Variants in GALNT17 observed in about 807,000 individuals in gnomAD.
GALNT17 encodes polypeptide N-acetylgalactosaminyltransferase 17, also known as UDP-GalNAc:polypeptide N-acetylgalactosaminyltransferase-like 3.
GALNT17 carries 29 observed loss-of-function variants against 63.7 expected under a neutral mutation model. That is an observed-to-expected ratio of 0.46 (90% CI 0.34 to 0.62). The LOEUF (loss-of-function observed/expected upper bound fraction) is 0.62. GALNT17 is among the 20% of genes least tolerant of loss of function. GALNT17 has a pLI of 0.01. For synonymous variants in GALNT17, 305 were observed against 318.3 expected, an observed-to-expected ratio of 0.96 and a Z score of 0.45; for missense variants, 603 against 799.6, an observed-to-expected ratio of 0.75 and a Z score of 2.97.
intron 2 of GALNT17, among the ~76,000 whole-genome samples, chr7:71,352,535 T>A (rs1432782706): frequency 1.3e-5 from 2 of 152,146 alleles, no homozygotes; most frequent in Non-Finnish European, 2.9e-5. Flanking sequence ...ACTTGGGATT[T>A]GTTAAGTTTG....
chr7:71,436,085 T>C (rs1786958910), intron 5 of GALNT17, among the ~76,000 whole-genome samples: 1 of 150,678 alleles, frequency 6.6e-6, no homozygotes, highest in East Asian at 2.0e-4. Context: ...ATTTGAGTAA[T>C]AATAAAACTC....
chr7:71,582,781 A>G (rs1789655465), intron 6 of GALNT17, among the ~76,000 whole-genome samples: 1 of 152,126 alleles, frequency 6.6e-6, no homozygotes, highest in African/African-American at 2.4e-5. Context: ...ATGCAAAGGA[A>G]TAAGAGTAAC....
intron 1 of GALNT17, among the ~76,000 whole-genome samples, chr7:71,246,115 G>GTTT (rs61447370): frequency 0.025 from 2,312 of 91,848 alleles, 28 homozygotes; most frequent in Middle Eastern, 0.047. Flanking sequence ...TTTTTTCGTT[G>GTTT]TTTTTTTTTT....
rs534916841 is a variant in GALNT17 at position 71,539,382 on chromosome 7, T to C, written c.963-31903T>C. Among the ~76,000 whole-genome samples the C allele has an allele frequency of 2.6e-5, 4 of 152,304 alleles. No homozygotes were observed. The East Asian group carries it at 7.7e-4, about 29-fold the overall frequency. ...GTTAAAAAAATAAAATAAAGGAACC[T>C]ATTGAGAATTAATTATATAAGCTCA... On this transcript the variant is annotated intron_variant, in intron 5 of 10. Transcript: ENST00000333538.
At chr7:71,188,227 C>T (rs1241934782) in intron 1 of GALNT17, among the ~76,000 whole-genome samples, 1 of 152,102 alleles carries the variant, frequency 6.6e-6, no homozygotes, top group Non-Finnish European at 1.5e-5. Context: ...GACTTCTTTT[C>T]CTCTGGGTAG....
chr7:71,420,131 G>A (rs1057011248), intron 4 of GALNT17, among the ~76,000 whole-genome samples: 4 of 152,066 alleles, frequency 2.6e-5, no homozygotes, highest in East Asian at 1.9e-4. Flanking sequence ...ATCCCTTCCC[G>A]CGCCTGCCTC....
chr7:71,166,638 C>G (rs1272878678), intron 1 of GALNT17, among the ~76,000 whole-genome samples: 2 of 152,208 alleles, frequency 1.3e-5, no homozygotes, highest in Non-Finnish European at 2.9e-5. Context: ...ACTTCTTTCA[C>G]TCTGCATAAT....
chr7:71,133,149 T>G, intron 1 of GALNT17, 109 bp downstream of exon 1: 1 of 940,228 alleles, frequency 1.1e-6, no homozygotes, highest in Non-Finnish European at 1.5e-6. Context: ...CGGCACACCC[T>G]GGCTCCCGCG....
intron 6 of GALNT17, among the ~76,000 whole-genome samples, chr7:71,638,505 T>C (rs1790560037): frequency 6.6e-6 from 1 of 152,152 alleles, no homozygotes; most frequent in Admixed American, 6.6e-5. Context: ...AGGAAAGGGC[T>C]TCTGGAAGAG....
At chr7:71,487,582 G>A (rs970109129) in intron 5 of GALNT17, among the ~76,000 whole-genome samples, 3 of 151,996 alleles carry the variant, frequency 2.0e-5, no homozygotes, top group Non-Finnish European at 4.4e-5. Flanking sequence ...GACCAGTGTG[G>A]GCAACATAGT....
At chr7:71,254,738 G>A (rs1377058849) in intron 1 of GALNT17, among the ~76,000 whole-genome samples, 2 of 152,072 alleles carry the variant, frequency 1.3e-5, no homozygotes, top group African/African-American at 4.8e-5. Context: ...TTTACAGAGT[G>A]TACCCCACTT....
intron 5 of GALNT17, among the ~76,000 whole-genome samples, chr7:71,454,624 G>C (rs76896163): frequency 0.053 from 8,102 of 152,168 alleles, 754 homozygotes; most frequent in African/African-American, 0.19. Flanking sequence ...ATGCTGAGTG[G>C]GGTGGCTAAA....
chr7:71,646,604 G>T (rs1477699796), intron 6 of GALNT17, among the ~76,000 whole-genome samples: 2 of 152,126 alleles, frequency 1.3e-5, no homozygotes, highest in African/African-American at 4.8e-5. Context: ...GGAATCACAT[G>T]GGTCAGACCC....
At chr7:71,198,850 C>T (rs560253803) in intron 1 of GALNT17, among the ~76,000 whole-genome samples, 3 of 152,302 alleles carry the variant, frequency 2.0e-5, no homozygotes, top group Admixed American at 1.3e-4. Context: ...ACATTCCCTT[C>T]GTTTATGTGT....
chr7:71,582,896 A>G (rs1303091851), intron 6 of GALNT17, among the ~76,000 whole-genome samples: 1 of 152,096 alleles, frequency 6.6e-6, no homozygotes, highest in Non-Finnish European at 1.5e-5. Context: ...GTGCATCAAA[A>G]TCTCACAAAT....
intron 5 of GALNT17, among the ~76,000 whole-genome samples, chr7:71,493,267 T>A (rs75937124): frequency 6.6e-6 from 1 of 152,146 alleles, no homozygotes; most frequent in Non-Finnish European, 1.5e-5. Context: ...CTGCCAGGCA[T>A]CTGTGATGTT....
At chr7:71,324,925 T>TG (rs1335371159) in intron 1 of GALNT17, among the ~76,000 whole-genome samples, 20 of 152,338 alleles carry the variant, frequency 1.3e-4, no homozygotes, top group African/African-American at 4.6e-4. Flanking sequence ...GTATCCAAAA[T>TG]GGGGCTATCT....
chr7:71,231,671 A>G (rs117527773), intron 1 of GALNT17, among the ~76,000 whole-genome samples: 2 of 148,340 alleles, frequency 1.3e-5, no homozygotes, highest in East Asian at 4.1e-4. Context: ...CTCACATGAC[A>G]GATAGAGCAA....
At chr7:71,142,722 C>G (rs1787938950) in intron 1 of GALNT17, among the ~76,000 whole-genome samples, 1 of 151,322 alleles carries the variant, frequency 6.6e-6, no homozygotes, top group Non-Finnish European at 1.5e-5. Context: ...GGGTGGATCA[C>G]TTGAGGTCAG....
Sources: gnomAD v4.1 joint callset for allele counts (sites outside exome capture counted in the v4.1 genomes callset) on GRCh38, gnomAD v4.1.1 for gene constraint, MANE v1.5 for transcripts, NCBI Gene and HGNC (gene_info 2026-07-23, HGNC 2026-07-21) for gene names.